Variants in AFG3L2 observed in about 807,000 individuals in gnomAD.
The protein encoded by AFG3L2 is mitochondrial inner membrane m-AAA protease component AFG3L2.
AFG3L2 carries 54 observed loss-of-function variants against 94.5 expected under a neutral mutation model. That is an observed-to-expected ratio of 0.57 (90% CI 0.46 to 0.72). AFG3L2 has a LOEUF of 0.72. AFG3L2 is among the 30% of genes least tolerant of loss of function. The pLI, the probability that AFG3L2 is intolerant of heterozygous loss-of-function variation, is 0.00. For missense variants in AFG3L2, 754 were observed against 994.9 expected (o/e 0.76, Z 3.26); for synonymous variants, 377 against 365.5 (o/e 1.03, Z -0.36).
chr18:12,339,197 C>T lies in AFG3L2; in HGVS notation c.1980+1004G>A, dbSNP rs536532354. Among the ~76,000 whole-genome samples, 232 of 125,762 alleles carry T rather than the reference C, an allele frequency of 1.8e-3. 2 individuals are homozygous for T. The highest frequency in any genetic ancestry group is 9.6e-3 in the South Asian group (35 of 3,644). 82.5% of individuals were successfully genotyped at this position (125,762 alleles called of 152,430 possible). On this transcript the variant is annotated intron_variant, in intron 15 of 16. Coordinates refer to ENST00000269143, the MANE Select transcript of AFG3L2 (RefSeq NM_006796.3). The stretch of plus-strand genomic sequence containing the variant: ...CGGAGCTTGCAGTGTGCCCAGATGG[C>T]GCCACTGCACTCCAGCCTGGGCGAC...
intron 3 of AFG3L2, among the ~76,000 whole-genome samples, chr18:12,369,020 T>C (rs757580236): frequency 1.3e-5 from 2 of 152,066 alleles, no homozygotes; most frequent in Non-Finnish European, 2.9e-5. Flanking sequence ...TCATGACACA[T>C]TCACTCCGCT....
chr18:12,369,682 C>T (rs1908916854), intron 3 of AFG3L2, among the ~76,000 whole-genome samples: 1 of 149,756 alleles, frequency 6.7e-6, no homozygotes, highest in East Asian at 2.0e-4. Flanking sequence ...TGCCACTGCA[C>T]TCCAGCCTGG....
chr18:12,363,865 T>G lies in AFG3L2; in HGVS notation c.553-9A>C. On this transcript the variant is annotated splice_polypyrimidine_tract_variant and intron_variant, in intron 5 of 16. Coordinates refer to ENST00000269143, the MANE Select transcript of AFG3L2 (RefSeq NM_006796.3). The stretch of plus-strand genomic sequence containing the variant: ...ACTTCCAATCTGTCTACCTAGAATT[T>G]TAAAAATAAATTCACACATAAATTC... 1 of 1,606,384 alleles carries G rather than the reference T, an allele frequency of 6.2e-7. No homozygotes were observed. The highest frequency in any genetic ancestry group is 8.5e-7 in the Non-Finnish European group (1 of 1,173,534).
intron 7 of AFG3L2, among the ~76,000 whole-genome samples, chr18:12,359,422 C>CAAAAAT (rs527897268): frequency 1.4e-3 from 206 of 151,786 alleles, no homozygotes; most frequent in African/African-American, 4.2e-3. Flanking sequence ...AGGAATGAAT[C>CAAAAAT]AAAAATAAAA....
At chr18:12,333,271 AATATAGATT>A (rs1568132292) in intron 16 of AFG3L2, among the ~76,000 whole-genome samples, 1 of 126,766 alleles carries the variant, frequency 7.9e-6, no homozygotes, top group East Asian at 2.1e-4. Context: ...ATATATTATA[AATATAGATT>A]ATATATAATA....
chr18:12,331,206 A>G (rs1907513216), intron 16 of AFG3L2, among the ~76,000 whole-genome samples: 1 of 152,206 alleles, frequency 6.6e-6, no homozygotes, highest in African/African-American at 2.4e-5. Context: ...TATGCAGCCT[A>G]GGAGCAATAG....
intron 6 of AFG3L2, among the ~76,000 whole-genome samples, chr18:12,362,246 G>T (rs1019677892): frequency 6.6e-6 from 1 of 152,238 alleles, no homozygotes; most frequent in Non-Finnish European, 1.5e-5. Flanking sequence ...GGCTGTGTGT[G>T]TGCAGCACTG....
intron 10 of AFG3L2, among the ~76,000 whole-genome samples, chr18:12,352,325 C>A (rs904105357): frequency 6.6e-6 from 1 of 151,750 alleles, no homozygotes; most frequent in Non-Finnish European, 1.5e-5. Context: ...TGCCCCTATG[C>A]CTGGCTTCAT....
At chr18:12,357,949 G>A (rs1027145609) in intron 8 of AFG3L2, among the ~76,000 whole-genome samples, 13 of 151,976 alleles carry the variant, frequency 8.6e-5, no homozygotes, top group African/African-American at 2.7e-4. Context: ...TAATGCAAAC[G>A]GGTACTAAGT....
intron 14 of AFG3L2, 93 bp from the exon 15 acceptor site, chr18:12,340,494 A>T (rs1907913769): frequency 3.9e-6 from 4 of 1,035,572 alleles, no homozygotes; most frequent in Non-Finnish European, 6.1e-6. Flanking sequence ...TTGACTAAAA[A>T]TAAGCACAAC....
intron 16 of AFG3L2, among the ~76,000 whole-genome samples, chr18:12,332,938 A>AATATATAAT (rs1907588066): frequency 1.6e-5 from 2 of 123,524 alleles, no homozygotes; most frequent in Non-Finnish European, 3.2e-5. Context: ...TATACTATAT[A>AATATATAAT]ACATATAATA....
At chr18:12,354,449 C>T (rs976466958) in intron 9 of AFG3L2, among the ~76,000 whole-genome samples, 5 of 152,158 alleles carry the variant, frequency 3.3e-5, no homozygotes, top group African/African-American at 1.2e-4. Context: ...AAAGCCCCTG[C>T]TTGCTGAGGC....
At position 12,329,780 on chromosome 18, in the gene AFG3L2, C is replaced by T. The variant is rs1206135897; in HGVS notation, c.2179G>A (p.Ala727Thr). The change falls in exon 17 of 17, where the codon GCT (alanine) becomes ACT (threonine). Residue 727 changes from alanine to threonine, a missense_variant. This residue lies in a region of AFG3L2 where 279 missense variants were observed against 378.6 expected (regional missense o/e 0.74). Transcript: ENST00000269143. ...ACTTCTTTTTCTAACAACAGAAGAG[C>T]AACCTGAAATATGAACAATTTTCAT... ...TEKKADVEKVALLLLEKEVLD... is the reference protein window; with the variant it reads ...TEKKADVEKVTLLLLEKEVLD... 2 of 1,610,836 alleles carry T rather than the reference C, an allele frequency of 1.2e-6. No individual in the cohort carries two copies. The highest frequency in any genetic ancestry group is 1.7e-6 in the Non-Finnish European group (2 of 1,177,008).
intron 13 of AFG3L2, among the ~76,000 whole-genome samples, chr18:12,347,128 A>G (rs1377058096): frequency 6.6e-6 from 1 of 152,198 alleles, no homozygotes; most frequent in Non-Finnish European, 1.5e-5. Context: ...CTCTGTCTCA[A>G]AAAACAAAAA....
At chr18:12,352,258 T>C (rs576531754) in intron 10 of AFG3L2, among the ~76,000 whole-genome samples, 21 of 152,354 alleles carry the variant, frequency 1.4e-4, no homozygotes, top group Admixed American at 3.9e-4. Flanking sequence ...TGCTCCAATG[T>C]GAACGCAACA....
chr18:12,332,387 C>T (rs1321237962), intron 16 of AFG3L2, among the ~76,000 whole-genome samples: 1 of 152,126 alleles, frequency 6.6e-6, no homozygotes, highest in Non-Finnish European at 1.5e-5. Context: ...GGATAAGCCA[C>T]TGCACCTGGC....
rs71369930 is a variant in AFG3L2, at chr18:12,370,463, C to CTT, written c.292+384_292+385dup. Among the ~76,000 whole-genome samples the CTT allele has an allele frequency of 3.1e-3, 377 of 120,882 alleles. 10 individuals are homozygous for CTT. The highest frequency in any genetic ancestry group is 4.7e-3 in the East Asian group (19 of 4,012). 79.3% of individuals were successfully genotyped at this position (120,882 alleles called of 152,430 possible). A position where few individuals can be genotyped will look rare whatever the true frequency, so the allele number is the denominator to read the frequency against. On this transcript the variant is annotated intron_variant, in intron 3 of 16. Coordinates refer to ENST00000269143, the MANE Select transcript of AFG3L2 (RefSeq NM_006796.3). The stretch of plus-strand genomic sequence containing the variant: ...TTCACAACTGACTTACTATAACTTT[C>CTT]TTTTTTTTTTTTTTTTCTTTTTTTT...
rs200514577 is a variant in AFG3L2, at chr18:12,329,612, G to T, written c.2347C>A (p.Arg783=). ...PEGLKDWNKE[R]EKEKEEPPGE... ...GGGGGCTCCTCTTTCTCCTTTTCCC[G>T]CTCCTTGTTCCAGTCCTTAAGGCCT... The change falls in exon 17 of 17, where the codon CGG becomes AGG. Residue 783 remains arginine, a synonymous_variant. Coordinates refer to ENST00000269143, the MANE Select transcript of AFG3L2 (RefSeq NM_006796.3). The T allele has an allele frequency of 5.6e-6, 9 of 1,613,896 alleles. No homozygotes were observed. The highest frequency in any genetic ancestry group is 1.1e-5 in the South Asian group (1 of 91,082).
At chr18:12,361,381 G>A (rs1317292378) in intron 6 of AFG3L2, among the ~76,000 whole-genome samples, 9 of 152,086 alleles carry the variant, frequency 5.9e-5, no homozygotes, top group Admixed American at 5.9e-4. Context: ...GGGTGCAGTG[G>A]CTCACGCCTG....
Sources: gnomAD v4.1 joint callset for allele counts (sites outside exome capture counted in the v4.1 genomes callset) on GRCh38, gnomAD v4.1.1 for gene constraint, gnomAD v4.1.1 regional missense constraint, MANE v1.5 for transcripts, NCBI Gene and HGNC (gene_info 2026-07-23, HGNC 2026-07-21) for gene names.